UNC13C: variants seen among roughly 807,000 people sequenced by gnomAD.
UNC13C encodes the protein protein unc-13 homolog C.
UNC13C carries 174 observed loss-of-function variants against 245.4 expected under a neutral mutation model. The ratio of observed to expected loss-of-function variants is 0.71; its 90% CI spans 0.63 to 0.80. UNC13C has a LOEUF of 0.80. UNC13C is among the 30% of genes least tolerant of loss of function. The pLI is 0.00. For synonymous variants in UNC13C, 992 were observed against 895.1 expected (o/e 1.11, Z -1.93); for missense variants, 2,829 against 2,602.9 (o/e 1.09, Z -1.89).
the UNC13C span, among the ~76,000 whole-genome samples, chr15:53,921,844 G>A: frequency 5.5e-4 from 83 of 152,208 alleles, 1 homozygote; most frequent in East Asian, 0.013. Context: ...TTTTAGAACC[G>A]GAATGGACTT....
intron 1 of UNC13C, among the ~76,000 whole-genome samples, chr15:54,002,653 A>G (rs1894950778): frequency 1.3e-5 from 2 of 152,224 alleles, no homozygotes; most frequent in Non-Finnish European, 2.9e-5. Context: ...GCCTTCCTTT[A>G]TACAGCTTAA....
intron 30 of UNC13C, among the ~76,000 whole-genome samples, chr15:54,603,919 CT>C (rs967036557): frequency 1.1e-4 from 16 of 151,560 alleles, no homozygotes; most frequent in African/African-American, 3.6e-4. Context: ...CACGGCTTTT[CT>C]TTTTTTTTCC....
At chr15:54,193,046 A>G (rs561015116) in intron 4 of UNC13C, among the ~76,000 whole-genome samples, 1 of 152,208 alleles carries the variant, frequency 6.6e-6, no homozygotes, top group East Asian at 1.9e-4. Flanking sequence ...ATGCCCCACT[A>G]TTATTTTCCT....
intron 7 of UNC13C, among the ~76,000 whole-genome samples, chr15:54,242,322 A>T (rs2035875555): frequency 6.6e-6 from 1 of 152,154 alleles, no homozygotes; most frequent in East Asian, 1.9e-4. Flanking sequence ...CAACTTATTT[A>T]ATATAGTGAT....
intron 1 of UNC13C, among the ~76,000 whole-genome samples, chr15:53,979,185 C>A (rs556929189): frequency 3.6e-4 from 55 of 152,170 alleles, no homozygotes; most frequent in African/African-American, 1.2e-3. Context: ...AGTCAACTTT[C>A]AGGAGAATAT....
chr15:54,115,542 T>A (rs1289813184), intron 2 of UNC13C, among the ~76,000 whole-genome samples: 1 of 152,112 alleles, frequency 6.6e-6, no homozygotes, highest in East Asian at 1.9e-4. Flanking sequence ...TGGGGGTACA[T>A]GTAATAATTT....
At chr15:54,519,385 G>C (rs1895119498) in intron 24 of UNC13C, among the ~76,000 whole-genome samples, 1 of 151,952 alleles carries the variant, frequency 6.6e-6, no homozygotes, top group Middle Eastern at 3.2e-3. Context: ...AATTATAAAA[G>C]GTAAGGCAAT....
intron 13 of UNC13C, chr15:54,321,678 G>A: frequency 4.9e-6 from 2 of 408,914 alleles, no homozygotes; most frequent in South Asian, 3.0e-5. Context: ...GACAACAGTG[G>A]CAAGGGAGAC....
chr15:53,899,175 T>C, the UNC13C span, among the ~76,000 whole-genome samples: 1 of 152,328 alleles, frequency 6.6e-6, no homozygotes, highest in East Asian at 1.9e-4. Flanking sequence ...ATTGCACTTA[T>C]TTATGTATAT....
At chr15:54,428,440 C>G (rs1252059480) in intron 19 of UNC13C, among the ~76,000 whole-genome samples, 1 of 151,482 alleles carries the variant, frequency 6.6e-6, no homozygotes, top group African/African-American at 2.4e-5. Flanking sequence ...TCTGTTCCCT[C>G]TGCTTGGACT....
chr15:53,996,126 A>G (rs941990675), intron 1 of UNC13C, among the ~76,000 whole-genome samples: 1 of 152,220 alleles, frequency 6.6e-6, no homozygotes, highest in Non-Finnish European at 1.5e-5. Context: ...AAGTGATTCC[A>G]TTAAGAGAAC....
chr15:54,264,654 C>T (rs561953492), intron 9 of UNC13C, among the ~76,000 whole-genome samples: 8 of 151,326 alleles, frequency 5.3e-5, no homozygotes, highest in Admixed American at 2.0e-4. Flanking sequence ...CTGCAGTGTA[C>T]AAGAAATGAG....
chr15:53,988,694 T>G (rs1894252775), intron 1 of UNC13C, among the ~76,000 whole-genome samples: 1 of 151,928 alleles, frequency 6.6e-6, no homozygotes, highest in South Asian at 2.1e-4. Flanking sequence ...GGCAGGGCTA[T>G]TGTTGGGTCT....
intron 4 of UNC13C, among the ~76,000 whole-genome samples, chr15:54,177,085 T>A (rs772969821): frequency 1.4e-4 from 22 of 152,066 alleles, no homozygotes; most frequent in Admixed American, 2.6e-4. Context: ...CTAAAGTGTT[T>A]CAAAGGCATT....
At chr15:54,105,860 G>C (rs1320919337) in intron 2 of UNC13C, among the ~76,000 whole-genome samples, 1 of 152,216 alleles carries the variant, frequency 6.6e-6, no homozygotes, top group Non-Finnish European at 1.5e-5. Context: ...AAAAGTATAA[G>C]ATTATTTTAT....
chr15:53,921,041 G>T, the UNC13C span, among the ~76,000 whole-genome samples: 1 of 151,860 alleles, frequency 6.6e-6, no homozygotes, highest in Non-Finnish European at 1.5e-5. Context: ...AGGGTGCTAG[G>T]TGTTTTCTAG....
chr15:54,029,959 CA>C (rs1186063944), intron 2 of UNC13C, among the ~76,000 whole-genome samples: 1 of 152,198 alleles, frequency 6.6e-6, no homozygotes, highest in African/African-American at 2.4e-5. Context: ...TAAAGGACAG[CA>C]GATCCAGGAT....
At chr15:54,556,021 C>T (rs1268467565) in intron 29 of UNC13C, among the ~76,000 whole-genome samples, 4 of 152,050 alleles carry the variant, frequency 2.6e-5, no homozygotes, top group Non-Finnish European at 5.9e-5. Context: ...CGTTTGTACG[C>T]ATCAGCTGTT....
intron 4 of UNC13C, among the ~76,000 whole-genome samples, chr15:54,156,887 A>C (rs535610506): frequency 6.6e-6 from 1 of 151,922 alleles, no homozygotes; most frequent in Non-Finnish European, 1.5e-5. Flanking sequence ...TCATAAAGAA[A>C]AAAAAGAGCT....
Sources: allele counts gnomAD v4.1 joint callset (sites outside exome capture counted in the v4.1 genomes callset), GRCh38; gene constraint gnomAD v4.1.1; transcripts MANE v1.5; gene names NCBI Gene and HGNC (gene_info 2026-07-23, HGNC 2026-07-21).